Variants in RBFOX2 observed in about 807,000 individuals in gnomAD.
The protein encoded by RBFOX2 is RNA binding fox-1 homolog 2, also known as RNA binding protein fox-1 homolog 2.
RBFOX2 carries 10 observed loss-of-function variants against 49.1 expected under a neutral mutation model. The ratio of observed to expected loss-of-function variants is 0.20; its 90% CI spans 0.13 to 0.35. RBFOX2 has a LOEUF of 0.35. RBFOX2 is among the 10% of genes least tolerant of loss of function. The pLI is 1.00. For synonymous variants in RBFOX2, 183 were observed against 187.4 expected, an observed-to-expected ratio of 0.98 and a Z score of 0.19; for missense variants, 323 against 486.9, an observed-to-expected ratio of 0.66 and a Z score of 3.17.
intron 1 of RBFOX2, among the ~76,000 whole-genome samples, chr22:36,015,878 A>G (rs2059015145): frequency 6.6e-6 from 1 of 152,208 alleles, no homozygotes; most frequent in Non-Finnish European, 1.5e-5. Context: ...AAAGGGAGAA[A>G]ACAAACTTTA....
intron 1 of RBFOX2, among the ~76,000 whole-genome samples, chr22:35,914,097 C>T (rs2050136431): frequency 6.6e-6 from 1 of 152,134 alleles, no homozygotes; most frequent in Non-Finnish European, 1.5e-5. Context: ...GCTGGCAGGA[C>T]TTCTAGGGCC....
At chr22:36,003,139 T>C (rs1158080235) in intron 1 of RBFOX2, among the ~76,000 whole-genome samples, 1 of 152,250 alleles carries the variant, frequency 6.6e-6, no homozygotes, top group Non-Finnish European at 1.5e-5. Flanking sequence ...TCTCTGTTCC[T>C]ACAAGTTGGA....
At chr22:35,980,719 C>CA (rs2057414841) in intron 1 of RBFOX2, among the ~76,000 whole-genome samples, 1 of 151,820 alleles carries the variant, frequency 6.6e-6, no homozygotes, top group Admixed American at 6.6e-5. Context: ...ATTTACAAGA[C>CA]AAAAAAGAGG....
intron 1 of RBFOX2, among the ~76,000 whole-genome samples, chr22:35,888,702 T>A (rs538774553): frequency 6.6e-6 from 1 of 152,204 alleles, no homozygotes; most frequent in East Asian, 1.9e-4. Flanking sequence ...GCCCTCATCA[T>A]TCCACCAAAA....
chr22:35,865,924 G>GTTAA (rs1407176453), intron 1 of RBFOX2, among the ~76,000 whole-genome samples: 1 of 152,134 alleles, frequency 6.6e-6, no homozygotes. Flanking sequence ...AATTAAAATT[G>GTTAA]TTAACACAAT....
chr22:35,962,973 G>A (rs1353965836), upstream of RBFOX2, among the ~76,000 whole-genome samples: 1 of 140,462 alleles, frequency 7.1e-6, no homozygotes, highest in African/African-American at 2.6e-5. Flanking sequence ...AGGGAGAAAA[G>A]GAATGAAAAA....
exon 12 of RBFOX2, chr22:35,743,966 GA>G (rs1055702551): frequency 1.5e-5 from 5 of 339,794 alleles, no homozygotes; most frequent in Admixed American, 5.2e-5. Flanking sequence ...AAAAAAAAAA[GA>G]AAAAAATGCA....
chr22:35,935,953 T>C (rs115158897), intron 1 of RBFOX2, among the ~76,000 whole-genome samples: 112 of 152,230 alleles, frequency 7.4e-4, no homozygotes, highest in African/African-American at 2.7e-3. Context: ...TCCAAAACAA[T>C]CAAAAGAGTT....
At chr22:35,840,572 A>G (rs765141606) in exon 1 of RBFOX2, 861 of 1,172,932 alleles carry the variant, frequency 7.3e-4, no homozygotes, top group Non-Finnish European at 8.7e-4. Flanking sequence ...CTCCAGAAGC[A>G]GGCCTGCTGG....
At chr22:35,905,852 C>T (rs912705713) in intron 1 of RBFOX2, among the ~76,000 whole-genome samples, 5 of 151,902 alleles carry the variant, frequency 3.3e-5, no homozygotes, top group Non-Finnish European at 5.9e-5. Context: ...ATGGTGGTCC[C>T]GTAAGATGAT....
upstream of RBFOX2, among the ~76,000 whole-genome samples, chr22:35,966,585 G>A (rs944252486): frequency 6.6e-6 from 1 of 152,060 alleles, no homozygotes; most frequent in Non-Finnish European, 1.5e-5. Context: ...GATGATTAAC[G>A]ATCCTGACCA....
At position 35,742,764 on chromosome 22, in the gene RBFOX2, G is replaced by A. The variant is rs578176250; in HGVS notation, c.*1431C>T. 1.2e-4 allele frequency: 19 copies of A among 152,466 alleles called. No homozygotes were observed. In the East Asian group the frequency reaches 1.5e-3, roughly 12 times the overall value. 9.4% of individuals were successfully genotyped at this position (152,466 alleles called of 1,614,324 possible). A position where few individuals can be genotyped will look rare whatever the true frequency, so the allele number is the denominator to read the frequency against. ...GATGGCAACGGCAGTGACTCACTGCGCGACTCTTTCTGGTGATATAGAAGA... is the reference window on the plus strand; with the variant it reads ...GATGGCAACGGCAGTGACTCACTGCACGACTCTTTCTGGTGATATAGAAGA... On this transcript the variant is annotated 3_prime_UTR_variant, in exon 12 of 12. Transcript: ENST00000405409.
chr22:35,795,854 C>T (rs1301377727), intron 2 of RBFOX2, among the ~76,000 whole-genome samples: 1 of 152,114 alleles, frequency 6.6e-6, no homozygotes, highest in African/African-American at 2.4e-5. Context: ...TCAAAGTCCT[C>T]TATAATTTAG....
chr22:36,021,737 T>C (rs1195778391), intron 1 of RBFOX2, among the ~76,000 whole-genome samples: 2 of 152,242 alleles, frequency 1.3e-5, no homozygotes, highest in Non-Finnish European at 2.9e-5. Flanking sequence ...CAGAAATGCG[T>C]CCAGGATTCA....
chr22:35,927,012 C>T (rs1442042967), intron 1 of RBFOX2, among the ~76,000 whole-genome samples: 1 of 152,212 alleles, frequency 6.6e-6, no homozygotes, highest in African/African-American at 2.4e-5. Context: ...ATGGTATCCT[C>T]ACATTCACAG....
chr22:35,870,860 A>G (rs1361850898), intron 1 of RBFOX2, among the ~76,000 whole-genome samples: 1 of 152,312 alleles, frequency 6.6e-6, no homozygotes, highest in African/African-American at 2.4e-5. Context: ...ATGACTACAC[A>G]TGACATGAAA....
upstream of RBFOX2, among the ~76,000 whole-genome samples, chr22:35,939,499 C>A (rs1483033963): frequency 1.3e-5 from 2 of 152,142 alleles, no homozygotes; most frequent in African/African-American, 2.4e-5. Flanking sequence ...CTGTTCAAGA[C>A]TTCCTCTACT....
At chr22:35,915,089 T>C (rs1011451900) in intron 1 of RBFOX2, among the ~76,000 whole-genome samples, 4 of 152,174 alleles carry the variant, frequency 2.6e-5, no homozygotes, top group Non-Finnish European at 4.4e-5. Flanking sequence ...CCCTACCATT[T>C]TACTCGAACT....
At chr22:35,924,131 T>C (rs1174560105) in intron 1 of RBFOX2, among the ~76,000 whole-genome samples, 6 of 152,212 alleles carry the variant, frequency 3.9e-5, no homozygotes, top group South Asian at 2.1e-4. Context: ...ACTTGCTTTA[T>C]ACAGTGCCTG....
Sources: gnomAD v4.1 joint callset for allele counts (sites outside exome capture counted in the v4.1 genomes callset) on GRCh38, gnomAD v4.1.1 for gene constraint, MANE v1.5 for transcripts, NCBI Gene and HGNC (gene_info 2026-07-23, HGNC 2026-07-21) for gene names.